FNIP1: variants seen among roughly 807,000 people sequenced by gnomAD.
The protein encoded by FNIP1 is folliculin interacting protein 1.
A neutral mutation model predicts 124.5 loss-of-function variants in FNIP1; 40 were observed. The observed-to-expected ratio is 0.32, with a 90% CI of 0.25 to 0.42. FNIP1 has a LOEUF of 0.42. Ranked by LOEUF, FNIP1 falls within the 10% of genes least tolerant of loss-of-function variation. The pLI is 1.00. For missense variants in FNIP1, 1,176 were observed against 1,403.7 expected, an observed-to-expected ratio of 0.84 and a Z score of 2.59; for synonymous variants, 472 against 470.6, an observed-to-expected ratio of 1.00 and a Z score of -0.04.
chr5:131,769,155 G>A (rs573899260), intron 1 of FNIP1, among the ~76,000 whole-genome samples: 81 of 152,128 alleles, frequency 5.3e-4, no homozygotes, highest in African/African-American at 1.7e-3. Flanking sequence ...GCAACAAATG[G>A]CAGAAAGAGA....
rs540687748 is a variant in FNIP1, at chr5:131,758,990, G to A, written c.93-14300C>T. ...TGTGGTGTTAAAATTTCATGGAGGGGGAATGGTGCTTAACAAAAAAGGGTG... is the reference window on the plus strand; with the variant it reads ...TGTGGTGTTAAAATTTCATGGAGGGAGAATGGTGCTTAACAAAAAAGGGTG... On this transcript the variant is annotated intron_variant, in intron 1 of 17. Transcript: ENST00000510461. Among the ~76,000 whole-genome samples the A allele has an allele frequency of 7.9e-5, 12 of 151,712 alleles. No individual in the cohort carries two copies. In the South Asian group the frequency reaches 2.5e-3, roughly 32 times the overall value.
intron 2 of FNIP1, among the ~76,000 whole-genome samples, chr5:131,741,975 C>G (rs1004870187): frequency 6.6e-5 from 10 of 152,182 alleles, no homozygotes; most frequent in Middle Eastern, 3.2e-3. Flanking sequence ...CCCAGGAATT[C>G]AAGTCCAGCC....
chr5:131,663,733 T>C (rs1465128920), intron 15 of FNIP1, among the ~76,000 whole-genome samples: 1 of 152,226 alleles, frequency 6.6e-6, no homozygotes, highest in African/African-American at 2.4e-5. Flanking sequence ...CTGGCTAGGC[T>C]GGGAAAAGTC....
chr5:131,761,362 G>A (rs577829128), intron 1 of FNIP1, among the ~76,000 whole-genome samples: 25 of 152,192 alleles, frequency 1.6e-4, no homozygotes, highest in Non-Finnish European at 1.5e-4. Context: ...ATCATCTTAC[G>A]TTTGGAAAAA....
intron 3 of FNIP1, among the ~76,000 whole-genome samples, chr5:131,724,996 A>G (rs1769811961): frequency 6.6e-6 from 1 of 152,172 alleles, no homozygotes; most frequent in South Asian, 2.1e-4. Flanking sequence ...GGTTTGTCAA[A>G]GATCAGATGG....
At chr5:131,655,520 A>C (rs142126813) in intron 15 of FNIP1, among the ~76,000 whole-genome samples, 1 of 152,336 alleles carries the variant, frequency 6.6e-6, no homozygotes, top group African/African-American at 2.4e-5. Flanking sequence ...TCATAACTGC[A>C]TAAAACTAGC....
rs527665702 is a variant in FNIP1 at position 131,782,081 on chromosome 5, G to A, written c.92+14749C>T. On this transcript the variant is annotated intron_variant, in intron 1 of 17. Transcript: ENST00000510461. The stretch of plus-strand genomic sequence containing the variant: ...AGGTGGGAGGATCACTTAAGCCCAG[G>A]AGTTCAAGGCTGCAATAAGCTAGGA... Among the ~76,000 whole-genome samples the A allele has an allele frequency of 1.3e-3, 199 of 152,070 alleles. No individual in the cohort carries two copies. The Middle Eastern group carries it at 0.014, about 10-fold the overall frequency.
In FNIP1 at chr5:131,643,976, G is replaced by T. The variant is rs2149500082; in HGVS notation, c.*709C>A. The T allele has an allele frequency of 6.6e-6, 1 of 152,552 alleles. No individual in the cohort carries two copies. Among genetic ancestry groups the T allele is most frequent in the East Asian group, 1.9e-4 (1 of 5,240 alleles). 9.4% of individuals were successfully genotyped at this position (152,552 alleles called of 1,614,324 possible). A position where few individuals can be genotyped will look rare whatever the true frequency, so the allele number is the denominator to read the frequency against. On this transcript the variant is annotated 3_prime_UTR_variant, in exon 18 of 18. Transcript: ENST00000510461. ...AAAGGTTGGCTTTACTTATATTTTAGAGTGTGTGAAACAGAAAAATCACCA... is the reference window on the plus strand; with the variant it reads ...AAAGGTTGGCTTTACTTATATTTTATAGTGTGTGAAACAGAAAAATCACCA...
chr5:131,679,865 A>T (rs1327240031), intron 11 of FNIP1, among the ~76,000 whole-genome samples: 1 of 152,210 alleles, frequency 6.6e-6, no homozygotes, highest in Non-Finnish European at 1.5e-5. Flanking sequence ...TACTTTCAAG[A>T]TGTTAATTAT....
At chr5:131,691,949 A>T (rs1768494562) in intron 11 of FNIP1, among the ~76,000 whole-genome samples, 1 of 152,172 alleles carries the variant, frequency 6.6e-6, no homozygotes, top group African/African-American at 2.4e-5. Context: ...TATGACTGGG[A>T]GCAAGGTCAA....
At chr5:131,706,069 G>A (rs1306215086) in intron 9 of FNIP1, among the ~76,000 whole-genome samples, 1 of 152,076 alleles carries the variant, frequency 6.6e-6, no homozygotes, top group Admixed American at 6.5e-5. Flanking sequence ...AAATAGAATG[G>A]TGGTTACAAG....
chr5:131,750,822 A>G (rs1006575417), intron 1 of FNIP1, among the ~76,000 whole-genome samples: 1 of 152,166 alleles, frequency 6.6e-6, no homozygotes, highest in African/African-American at 2.4e-5. Flanking sequence ...CATGTTGGCC[A>G]GGCTGGTCTC....
rs1230600109 is a variant in FNIP1 at position 131,699,395 on chromosome 5, CT to C, written c.1117-394del. Among the ~76,000 whole-genome samples the C allele has an allele frequency of 7.2e-3, 976 of 135,956 alleles. 6 individuals are homozygous for C. Among genetic ancestry groups the C allele is most frequent in the African/African-American group, 0.022 (786 of 36,000 alleles). 89.2% of individuals were successfully genotyped at this position (135,956 alleles called of 152,430 possible). A position where few individuals can be genotyped will look rare whatever the true frequency, so the allele number is the denominator to read the frequency against. The stretch of plus-strand genomic sequence containing the variant: ...TCACAGATAACACTTCTGTTAACTC[CT>C]TTTTTTTTTTTTTTTTGACAAGAGT... On this transcript the variant is annotated intron_variant, in intron 10 of 17. Coordinates refer to ENST00000510461, the MANE Select transcript of FNIP1 (RefSeq NM_133372.3).
At chr5:131,679,213 C>G (rs1277508938) in intron 11 of FNIP1, 38 bp from the exon 12 acceptor site, 1 of 1,190,970 alleles carries the variant, frequency 8.4e-7, no homozygotes, top group South Asian at 1.3e-5. Flanking sequence ...TGTATAGTTC[C>G]AAGAGTTACA....
chr5:131,734,673 AAAG>A (rs1770225487), intron 2 of FNIP1, among the ~76,000 whole-genome samples: 2 of 152,246 alleles, frequency 1.3e-5, no homozygotes, highest in African/African-American at 4.8e-5. Context: ...ACACCTCTCA[AAAG>A]AAGACATTTA....
At position 131,709,250 on chromosome 5, in the gene FNIP1, C is replaced by T. The variant is rs777653871; in HGVS notation, c.729G>A (p.Met243Ile). The change falls in exon 8 of 18, where the codon ATG (methionine) becomes ATA (isoleucine). Residue 243 changes from methionine (M) to isoleucine (I), a missense_variant. By Grantham distance (10) the Met-to-Ile change is conservative. Around this residue, in one of 2 missense-constraint regions of FNIP1, gnomAD observed 1,109 missense variants for 1,288.5 expected, o/e 0.86. Transcript: ENST00000510461. The part of the protein sequence containing the change: ...FFAVHSNPMD[M>I]PGRELNEDRD... The stretch of plus-strand genomic sequence containing the variant: ...TGTCCTCATTGAGCTCTCTTCCAGG[C>T]ATGTCCATTGGGTTGCTGTGAACTA... The T allele has an allele frequency of 6.2e-7, 1 of 1,614,022 alleles. No homozygotes were observed. The highest frequency in any genetic ancestry group is 2.2e-5 in the East Asian group (1 of 44,864).
chr5:131,674,901 A>AT (rs996596637), intron 13 of FNIP1, among the ~76,000 whole-genome samples: 3 of 152,098 alleles, frequency 2.0e-5, no homozygotes, highest in Non-Finnish European at 4.4e-5. Context: ...ATTATGATAA[A>AT]TTTTCTCTTC....
At chr5:131,777,037 G>T (rs1358061777) in intron 1 of FNIP1, among the ~76,000 whole-genome samples, 1 of 152,080 alleles carries the variant, frequency 6.6e-6, no homozygotes, top group Non-Finnish European at 1.5e-5. Flanking sequence ...TTCAAGACCA[G>T]TCGAAGCAAC....
chr5:131,687,526 T>C (rs1768322474), intron 11 of FNIP1, among the ~76,000 whole-genome samples: 1 of 152,228 alleles, frequency 6.6e-6, no homozygotes, highest in Non-Finnish European at 1.5e-5. Flanking sequence ...TGCAAAGAGC[T>C]TGGAAGTCAT....
Sources: gnomAD v4.1 joint callset for allele counts (sites outside exome capture counted in the v4.1 genomes callset) on GRCh38, gnomAD v4.1.1 for gene constraint, gnomAD v4.1.1 regional missense constraint, MANE v1.5 for transcripts, NCBI Gene and HGNC (gene_info 2026-07-23, HGNC 2026-07-21) for gene names.